PAFAH1B1: variants seen among roughly 807,000 people sequenced by gnomAD.
PAFAH1B1 encodes the protein platelet-activating factor acetylhydrolase IB subunit beta.
PAFAH1B1 carries 2 observed loss-of-function variants against 57.5 expected under a neutral mutation model. The observed-to-expected ratio is 0.03, with a 90% CI of 0.01 to 0.11. The LOEUF (loss-of-function observed/expected upper bound fraction) is 0.11. PAFAH1B1 is among the 10% of genes least tolerant of loss of function. PAFAH1B1 has a pLI of 1.00. For missense variants in PAFAH1B1, 257 were observed against 512.0 expected, an observed-to-expected ratio of 0.50 and a Z score of 4.81; for synonymous variants, 152 against 169.6, an observed-to-expected ratio of 0.90 and a Z score of 0.81.
At chr17:2,651,128 T>C (rs950496799) in intron 2 of PAFAH1B1, among the ~76,000 whole-genome samples, 2 of 152,214 alleles carry the variant, frequency 1.3e-5, no homozygotes, top group African/African-American at 4.8e-5. Context: ...AAGTGCTTTT[T>C]CTGAGTCATT....
intron 2 of PAFAH1B1, among the ~76,000 whole-genome samples, chr17:2,643,173 GC>G (rs987123200): frequency 3.3e-5 from 5 of 151,712 alleles, no homozygotes; most frequent in Admixed American, 1.3e-4. Context: ...GCTCACTGCA[GC>G]CTTGACCTCC....
intron 1 of PAFAH1B1, among the ~76,000 whole-genome samples, chr17:2,631,430 A>T (rs1160295770): frequency 6.6e-6 from 1 of 151,920 alleles, no homozygotes; most frequent in Admixed American, 6.6e-5. Flanking sequence ...TTGGCTAGAG[A>T]ATTCCTTCTC....
intron 2 of PAFAH1B1, chr17:2,638,569 G>A (rs1032069670): frequency 3.1e-5 from 13 of 423,516 alleles, no homozygotes; most frequent in Middle Eastern, 6.9e-4. Flanking sequence ...GTGCAATGGC[G>A]CCATCTCGGC....
chr17:2,614,536 G>C (rs1009156003), intron 1 of PAFAH1B1, among the ~76,000 whole-genome samples: 8 of 152,170 alleles, frequency 5.3e-5, no homozygotes, highest in Non-Finnish European at 5.9e-5. Flanking sequence ...AGGAAGACTA[G>C]ATAGTTATAT....
In PAFAH1B1 at chr17:2,670,858, A is replaced by G. The variant is rs544053557; in HGVS notation, c.568+527A>G. 7.0e-4 allele frequency among the ~76,000 whole-genome samples: 107 copies of G among 152,310 alleles called. 1 individual carries two copies. The highest frequency in any genetic ancestry group is 2.4e-3 in the African/African-American group (98 of 41,566). On this transcript the variant is annotated intron_variant, in intron 6 of 10. Coordinates refer to ENST00000397195, the MANE Select transcript of PAFAH1B1 (RefSeq NM_000430.4). ...CCTGGGTTCAAATTCCTACTTGTCTACTTACGGTATTAGAAAATTTAAACC... is the reference window on the plus strand; with the variant it reads ...CCTGGGTTCAAATTCCTACTTGTCTGCTTACGGTATTAGAAAATTTAAACC...
chr17:2,679,382 T>TTGGA (rs1301256880), intron 9 of PAFAH1B1, among the ~76,000 whole-genome samples: 1 of 82,422 alleles, frequency 1.2e-5, no homozygotes, highest in African/African-American at 3.7e-5. Flanking sequence ...GGATGAATGA[T>TTGGA]TGGATGGATG....
intron 1 of PAFAH1B1, among the ~76,000 whole-genome samples, chr17:2,621,608 T>G (rs907134472): frequency 2.4e-4 from 4 of 16,386 alleles, no homozygotes; most frequent in South Asian, 2.3e-3. Context: ...ATAATCTGTC[T>G]TTTTTTTTTT....
intron 1 of PAFAH1B1, among the ~76,000 whole-genome samples, chr17:2,604,364 G>T (rs983248562): frequency 6.6e-6 from 1 of 152,128 alleles, no homozygotes; most frequent in Non-Finnish European, 1.5e-5. Context: ...TGATTAAATG[G>T]ATAGGAAAAT....
In PAFAH1B1 at chr17:2,627,621, A is replaced by G. The variant is rs185570639; in HGVS notation, c.-190-10478A>G. 7.9e-5 allele frequency among the ~76,000 whole-genome samples: 12 copies of G among 152,292 alleles called. No homozygotes were observed. The East Asian group carries it at 1.9e-3, about 24-fold the overall frequency. On this transcript the variant is annotated intron_variant, in intron 1 of 10. Transcript: ENST00000397195. The stretch of plus-strand genomic sequence containing the variant: ...TTTTAGAATCATTTTTTGTAATTCT[A>G]TGAAGAATGATGGTATTTTGATGGG...
At chr17:2,625,173 A>G (rs1395017701) in intron 1 of PAFAH1B1, among the ~76,000 whole-genome samples, 2 of 152,196 alleles carry the variant, frequency 1.3e-5, no homozygotes, top group African/African-American at 4.8e-5. Flanking sequence ...CTGCATTCCA[A>G]AAGCATACTA....
At position 2,683,144 on chromosome 17, in the gene PAFAH1B1, C is replaced by T. The variant is rs1047573455; in HGVS notation, c.*1342C>T. 1 of 152,142 alleles carries T rather than the reference C, an allele frequency of 6.6e-6. No homozygotes were observed. The highest frequency in any genetic ancestry group is 1.5e-5 in the Non-Finnish European group (1 of 68,030). 9.4% of individuals were successfully genotyped at this position (152,142 alleles called of 1,614,324 possible). On this transcript the variant is annotated 3_prime_UTR_variant, in exon 11 of 11. Transcript: ENST00000397195. ...AAGGAAAATCACTTCCGTTATGTCC[C>T]CCTCTAATTTAGCCGCTCGACATTT...
intron 2 of PAFAH1B1, chr17:2,641,682 C>G (rs756251139): frequency 6.6e-6 from 1 of 152,098 alleles, no homozygotes; most frequent in Non-Finnish European, 1.5e-5. Context: ...TGCCTTAATT[C>G]TAGAATCAGC....
chr17:2,633,364 C>T (rs766122903), intron 1 of PAFAH1B1, among the ~76,000 whole-genome samples: 2 of 151,596 alleles, frequency 1.3e-5, no homozygotes, highest in Non-Finnish European at 2.9e-5. Flanking sequence ...GATGGGGTTT[C>T]GCCATGTTGG....
chr17:2,601,587 G>A (rs753540267), intron 1 of PAFAH1B1, among the ~76,000 whole-genome samples: 2 of 152,106 alleles, frequency 1.3e-5, no homozygotes, highest in Non-Finnish European at 2.9e-5. Flanking sequence ...GATTACAGGT[G>A]CCTGCCGGCA....
intron 6 of PAFAH1B1, 169 bp downstream of exon 6, chr17:2,670,500 G>A: frequency 1.6e-6 from 1 of 643,662 alleles, no homozygotes; most frequent in Non-Finnish European, 2.7e-6. Context: ...AGTTGAGAGT[G>A]CTTTCTATTA....
At chr17:2,654,099 G>T (rs918517065) in intron 2 of PAFAH1B1, among the ~76,000 whole-genome samples, 98 of 150,386 alleles carry the variant, frequency 6.5e-4, no homozygotes, top group African/African-American at 2.4e-3. Flanking sequence ...GAGCCACCAT[G>T]CCCGGCCAGT....
chr17:2,684,832 C>T lies in PAFAH1B1; in HGVS notation c.*3030C>T, dbSNP rs2069449783. ...AGCTTTGGCTTTAGATTTACCAAGC[C>T]CCGCCTCCCCGCTGCCAGTGCCCTG... On this transcript the variant is annotated 3_prime_UTR_variant, in exon 11 of 11. Coordinates refer to ENST00000397195, the MANE Select transcript of PAFAH1B1 (RefSeq NM_000430.4). 1 of 152,514 alleles carries T rather than the reference C, an allele frequency of 6.6e-6. No individual in the cohort carries two copies. The highest frequency in any genetic ancestry group is 6.6e-5 in the Admixed American group (1 of 15,260). The allele number at this position is 152,514 out of a possible 1,614,324, so 9.4% of individuals were successfully genotyped here. A position where few individuals can be genotyped will look rare whatever the true frequency, so the allele number is the denominator to read the frequency against.
At chr17:2,657,206 TC>T (rs1226288916) in intron 2 of PAFAH1B1, among the ~76,000 whole-genome samples, 2 of 152,202 alleles carry the variant, frequency 1.3e-5, no homozygotes, top group African/African-American at 4.8e-5. Context: ...TGAAGACCTT[TC>T]CGTTAATGAG....
intron 10 of PAFAH1B1, 118 bp from the exon 11 acceptor site, chr17:2,681,611 A>T (rs2069385634): frequency 1.3e-6 from 1 of 751,288 alleles, no homozygotes; most frequent in Non-Finnish European, 2.3e-6. Flanking sequence ...ACAGGCACAC[A>T]CTACCATGCC....
Sources: gnomAD v4.1 joint callset for allele counts (sites outside exome capture counted in the v4.1 genomes callset) on GRCh38, gnomAD v4.1.1 for gene constraint, MANE v1.5 for transcripts, NCBI Gene and HGNC (gene_info 2026-07-23, HGNC 2026-07-21) for gene names.